The following AOPEP variants were observed in gnomAD, a reference collection of about 807,000 sequenced individuals.
The protein encoded by AOPEP is aminopeptidase O (putative), also known as aminopeptidase O.
In AOPEP, 77 loss-of-function variants were observed where a neutral mutation model predicts 98.1. That is an observed-to-expected ratio of 0.78 (90% CI 0.65 to 0.95). The LOEUF is 0.95. AOPEP is among the 40% of genes least tolerant of loss of function. AOPEP has a pLI of 0.00. For synonymous variants in AOPEP, 346 were observed against 365.3 expected (o/e 0.95, Z 0.60); for missense variants, 1,024 against 1,024.7 (o/e 1.00, Z 0.01).
At chr9:95,122,204 G>A in the AOPEP span, among the ~76,000 whole-genome samples, 3 of 152,062 alleles carry the variant, frequency 2.0e-5, no homozygotes, top group Non-Finnish European at 4.4e-5. Context: ...AGGCAGGGAG[G>A]AGCACGTGGA....
intron 9 of AOPEP, among the ~76,000 whole-genome samples, chr9:94,956,837 T>G (rs927729282): frequency 6.6e-6 from 1 of 152,240 alleles, no homozygotes; most frequent in African/African-American, 2.4e-5. Flanking sequence ...TGAGTCTCAT[T>G]ATCTCCAGTG....
At chr9:94,850,984 T>G (rs1186857649) in intron 5 of AOPEP, among the ~76,000 whole-genome samples, 1 of 152,204 alleles carries the variant, frequency 6.6e-6, no homozygotes. Context: ...CCTGACCTGA[T>G]CACATCTAGC....
intron 13 of AOPEP, among the ~76,000 whole-genome samples, chr9:95,011,120 C>T (rs1470875294): frequency 6.6e-6 from 1 of 151,704 alleles, no homozygotes; most frequent in Non-Finnish European, 1.5e-5. Context: ...TTTTGGTAGC[C>T]TCAGGAAGGA....
chr9:94,948,703 A>C (rs888274727), intron 7 of AOPEP, among the ~76,000 whole-genome samples: 1 of 152,204 alleles, frequency 6.6e-6, no homozygotes, highest in Non-Finnish European at 1.5e-5. Flanking sequence ...TACCAGTACC[A>C]AGCAGCAGTT....
chr9:95,082,116 G>A (rs73654509), intron 15 of AOPEP, among the ~76,000 whole-genome samples: 2,363 of 152,210 alleles, frequency 0.016, 60 homozygotes, highest in African/African-American at 0.054. Context: ...TGCCTGCTGT[G>A]CTCTTTGCTT....
intron 5 of AOPEP, among the ~76,000 whole-genome samples, chr9:94,859,962 G>C (rs992166595): frequency 6.6e-6 from 1 of 152,238 alleles, no homozygotes; most frequent in African/African-American, 2.4e-5. Context: ...GACAGTCCCT[G>C]TCTTCAAGGG....
intron 1 of AOPEP, among the ~76,000 whole-genome samples, chr9:94,734,181 A>C (rs1368989837): frequency 6.6e-6 from 1 of 152,136 alleles, no homozygotes; most frequent in Admixed American, 6.6e-5. Context: ...CAGCGCCGGG[A>C]ACATGATCAC....
the AOPEP span, among the ~76,000 whole-genome samples, chr9:95,141,536 C>T: frequency 6.3e-4 from 96 of 152,046 alleles, 1 homozygote; most frequent in Non-Finnish European, 1.1e-3. Context: ...AAACATAAAC[C>T]CAACATCTTG....
intron 1 of AOPEP, among the ~76,000 whole-genome samples, chr9:94,746,881 C>T (rs951927204): frequency 2.0e-5 from 3 of 152,104 alleles, no homozygotes; most frequent in African/African-American, 4.8e-5. Context: ...CCCCTCCCCC[C>T]CACTTGACTG....
the AOPEP span, among the ~76,000 whole-genome samples, chr9:95,141,769 T>G: frequency 6.6e-6 from 1 of 152,130 alleles, no homozygotes; most frequent in African/African-American, 2.4e-5. Flanking sequence ...ATAAATTAGG[T>G]TCTTCTGATA....
In AOPEP at chr9:94,734,282, T is replaced by C. The variant is rs541984887; in HGVS notation, c.-136+7531T>C. Among the ~76,000 whole-genome samples the C allele has an allele frequency of 1.0e-3, 155 of 152,242 alleles. 1 individual carries two copies. The highest frequency in any genetic ancestry group is 1.1e-3 in the Non-Finnish European group (75 of 68,004). On this transcript the variant is annotated intron_variant, in intron 1 of 16. Transcript: ENST00000375315. ...ACAGGAACAGAGGGACCTCTTGCCC[T>C]TCCTACAGTTTTTCCTGTTATAGGA... is the stretch of plus-strand genomic sequence containing the variant.
intron 5 of AOPEP, among the ~76,000 whole-genome samples, chr9:94,820,146 A>G (rs983850507): frequency 6.6e-6 from 1 of 151,878 alleles, no homozygotes; most frequent in Non-Finnish European, 1.5e-5. Context: ...GGGTTTTGCC[A>G]TGTTGGCCAA....
intron 13 of AOPEP, among the ~76,000 whole-genome samples, chr9:95,025,491 C>T (rs1587666362): frequency 6.6e-6 from 1 of 152,242 alleles, no homozygotes; most frequent in South Asian, 2.1e-4. Context: ...CCAGAGCTGA[C>T]CCCACTGAGC....
intron 5 of AOPEP, among the ~76,000 whole-genome samples, chr9:94,886,836 A>G (rs2048299827): frequency 6.6e-6 from 1 of 152,230 alleles, no homozygotes; most frequent in African/African-American, 2.4e-5. Context: ...ATGGGTTTGT[A>G]TATATAAATC....
In AOPEP at chr9:94,759,862, G is replaced by A. The variant is rs1373991263; in HGVS notation, c.79G>A (p.Val27Ile). The A allele has an allele frequency of 6.2e-7, 1 of 1,614,188 alleles. No homozygotes were observed. The highest frequency in any genetic ancestry group is 1.3e-5 in the African/African-American group (1 of 75,046). The change falls in exon 2 of 17, where the codon GTA becomes ATA. Residue 27 changes from valine (V) to isoleucine (I), a missense_variant. Physicochemically the swap from Val to Ile is conservative, Grantham distance 29 (BLOSUM62 3). Coordinates refer to ENST00000375315, the MANE Select transcript of AOPEP (RefSeq NM_001193329.3). ...NTSHILVKHY[V>I]LDLDVDFESQ... ...CAGCCACATACTTGTGAAGCACTAT[G>A]TACTGGATTTGGATGTGGATTTTGA...
At chr9:95,054,898 T>A (rs2066692365) in intron 13 of AOPEP, among the ~76,000 whole-genome samples, 1 of 152,222 alleles carries the variant, frequency 6.6e-6, no homozygotes, top group South Asian at 2.1e-4. Flanking sequence ...AAGAAAATTT[T>A]TTTCCTCTTA....
intron 9 of AOPEP, among the ~76,000 whole-genome samples, chr9:94,961,533 A>C (rs1048657671): frequency 6.6e-6 from 1 of 151,812 alleles, no homozygotes; most frequent in Admixed American, 6.6e-5. Context: ...CTTTATTGTT[A>C]GTGTTATTTT....
chr9:95,125,242 A>G, the AOPEP span: 2 of 1,377,404 alleles, frequency 1.5e-6, no homozygotes, highest in East Asian at 4.6e-5. Flanking sequence ...GCAAACATGA[A>G]AACCTGCACT....
intron 5 of AOPEP, among the ~76,000 whole-genome samples, chr9:94,808,838 T>G (rs1849833224): frequency 6.6e-6 from 1 of 152,248 alleles, no homozygotes; most frequent in African/African-American, 2.4e-5. Context: ...GGAGCCCACC[T>G]TGCTAAGTTG....
Sources: allele counts gnomAD v4.1 joint callset (sites outside exome capture counted in the v4.1 genomes callset), GRCh38; gene constraint gnomAD v4.1.1; transcripts MANE v1.5; gene names NCBI Gene and HGNC (gene_info 2026-07-23, HGNC 2026-07-21).